PRC1: variants seen among roughly 807,000 people sequenced by gnomAD.
PRC1 encodes the protein anaphase spindle elongation 1 homolog.
A neutral mutation model predicts 91.2 loss-of-function variants in PRC1; 54 were observed. The observed-to-expected ratio is 0.59, with a 90% CI of 0.48 to 0.74. The LOEUF (loss-of-function observed/expected upper bound fraction) is 0.74. Ranked by LOEUF, PRC1 falls within the 30% of genes least tolerant of loss-of-function variation. The pLI, the probability that PRC1 is intolerant of heterozygous loss-of-function variation, is 0.00. For synonymous variants in PRC1, 275 were observed against 263.6 expected, an observed-to-expected ratio of 1.04 and a Z score of -0.42; for missense variants, 727 against 746.2, an observed-to-expected ratio of 0.97 and a Z score of 0.30.
intron 7 of PRC1, 35 bp from the exon 8 acceptor site, chr15:90,979,329 C>T: frequency 6.3e-7 from 1 of 1,584,488 alleles, no homozygotes; most frequent in Non-Finnish European, 8.6e-7. Flanking sequence ...TAAAACAATT[C>T]CTCTAGTATT....
chr15:90,966,431 G>A lies in PRC1; in HGVS notation c.*700C>T. 1 of 367,922 alleles carries A rather than the reference G, an allele frequency of 2.7e-6. No individual in the cohort carries two copies. Among genetic ancestry groups the A allele is most frequent in the Non-Finnish European group, 5.6e-6 (1 of 180,016 alleles). The allele number at this position is 367,922 out of a possible 1,614,324, so 22.8% of individuals were successfully genotyped here. ...GAAGAACTCAGGCAAAGTAGGCACA[G>A]GAATGGGGGAGATGAGAGCCAAGGG... On this transcript the variant is annotated 3_prime_UTR_variant, in exon 15 of 15. Transcript: ENST00000394249.
chr15:90,974,607 T>C lies in PRC1; in HGVS notation c.1328A>G (p.Lys443Arg), dbSNP rs752713552. 7 of 1,614,208 alleles carry C rather than the reference T, an allele frequency of 4.3e-6. No homozygotes were observed. In the South Asian group the frequency reaches 4.4e-5, roughly 10 times the overall value. ...AEQWEMHRLE[K>R]ERAKQERQLK... is the part of the protein sequence containing the mutation. ...TACTCTTTCCTGCTTGGCTCTCTCT[T>C]TCTCCAATCGATGCATCTCCCATTG... Residue 443 changes from lysine to arginine, a missense_variant, in exon 10 of 15, where the codon AAA becomes AGA. Transcript: ENST00000394249. The surrounding 1 kb of genome is among the most constrained non-coding windows in gnomAD (Gnocchi z 4.6).
chr15:90,969,934 T>A lies in PRC1; in HGVS notation c.1573-311A>T, dbSNP rs564009750. 3.3e-4 allele frequency among the ~76,000 whole-genome samples: 50 copies of A among 152,162 alleles called. 2 individuals carry two copies. Among genetic ancestry groups the A allele is most frequent in the South Asian group, 1.0e-3 (5 of 4,828 alleles). On this transcript the variant is annotated intron_variant, in intron 12 of 14. Transcript: ENST00000394249. The stretch of plus-strand genomic sequence containing the variant: ...ACTGTCTCTAGAAAAAAATTTTTTT[T>A]AAATATGAATTCTTGATTTACAGAA...
Position 90,966,224 on chromosome 15 carries a change from T to C in PRC1, c.*907A>G, listed in dbSNP as rs2037476447. ...TGCAGGCAGACAGCGGAAGAATAAATAATAGTGCTTCAAGAAGAGTAGTGA... is the reference window on the plus strand; with the variant it reads ...TGCAGGCAGACAGCGGAAGAATAAACAATAGTGCTTCAAGAAGAGTAGTGA... On this transcript the variant is annotated 3_prime_UTR_variant, in exon 15 of 15. Coordinates refer to ENST00000394249, the MANE Select transcript of PRC1 (RefSeq NM_003981.4). 4.9e-6 allele frequency: 1 copy of C among 204,204 alleles called. No individual in the cohort carries two copies. The highest frequency in any genetic ancestry group is 2.3e-5 in the African/African-American group (1 of 43,086). 12.6% of individuals were successfully genotyped at this position (204,204 alleles called of 1,614,324 possible).
chr15:90,967,208 G>C lies in PRC1; in HGVS notation c.1792-6C>G, dbSNP rs550370133. ...GAAGCCTTTGAAAGTTCTCGCTGTT[G>C]AAAAATAAATAACATCAGTGGCCAT... On this transcript the variant is annotated splice_polypyrimidine_tract_variant and splice_region_variant and intron_variant, in intron 14 of 14. Transcript: ENST00000394249. 6.2e-7 allele frequency: 1 copy of C among 1,612,464 alleles called. No homozygotes were observed. The highest frequency in any genetic ancestry group is 8.5e-7 in the Non-Finnish European group (1 of 1,178,478).
At position 90,979,064 on chromosome 15, in the gene PRC1, T is replaced by A. The variant is rs781579371; in HGVS notation, c.1107+94A>T. ...GAGAGACTTAATGATAAAGATGGGG[T>A]ATCAAAAGCCTGGCAAAGAACAAAG... On this transcript the variant is annotated intron_variant, in intron 8 of 14. Transcript: ENST00000394249. The A allele has an allele frequency of 7.5e-5, 102 of 1,367,386 alleles. 1 individual carries two copies. The highest frequency in any genetic ancestry group is 9.8e-5 in the Non-Finnish European group (99 of 1,010,176). The allele number at this position is 1,367,386 out of a possible 1,614,324, so 84.7% of individuals were successfully genotyped here.
intron 12 of PRC1, 139 bp from the exon 13 acceptor site, chr15:90,969,762 ACATATATATATATAT>A (rs1219928673): frequency 7.8e-4 from 137 of 174,584 alleles, no homozygotes; most frequent in East Asian, 2.5e-3. Flanking sequence ...TAAAAAAAAA[ACATATATATATATAT>A]ATATATATAT....
rs565325389 is a variant in PRC1, at chr15:90,966,341, C to T, written c.*790G>A. 324 of 293,380 alleles carry T rather than the reference C, an allele frequency of 1.1e-3. No homozygotes were observed. Among genetic ancestry groups the T allele is most frequent in the Middle Eastern group, 2.5e-3 (2 of 812 alleles). The allele number at this position is 293,380 out of a possible 1,614,324, so 18.2% of individuals were successfully genotyped here. A position where few individuals can be genotyped will look rare whatever the true frequency, so the allele number is the denominator to read the frequency against. On this transcript the variant is annotated 3_prime_UTR_variant, in exon 15 of 15. Coordinates refer to ENST00000394249, the MANE Select transcript of PRC1 (RefSeq NM_003981.4). ...ACATGTGCAAAGTTCCAGATCTCCACGACAAAGACAGCTCAACCCATTGGA... is the reference window on the plus strand; with the variant it reads ...ACATGTGCAAAGTTCCAGATCTCCATGACAAAGACAGCTCAACCCATTGGA...
At position 90,976,706 on chromosome 15, in the gene PRC1, T is replaced by C; in HGVS notation, c.1173A>G (p.Gln391=). The C allele has an allele frequency of 1.2e-6, 2 of 1,613,668 alleles. No individual in the cohort carries two copies. The highest frequency in any genetic ancestry group is 2.2e-5 in the East Asian group (1 of 44,870). ...RGGNLLKEEK[Q]RAKLQKMLPK... ...GCAGCATTTTCTGGAGCTTGGCTCG[T>C]TGTTTTTCTTCTTTTAGAAGATTTC... is the stretch of plus-strand genomic sequence containing the variant. Residue 391 remains glutamine (Q), a synonymous_variant, in exon 9 of 15, where the codon CAA becomes CAG. Transcript: ENST00000394249.
chr15:90,972,185 CAA>C (rs79751458), intron 11 of PRC1, among the ~76,000 whole-genome samples: 19 of 58,594 alleles, frequency 3.2e-4, no homozygotes, highest in Middle Eastern at 0.03. Flanking sequence ...TACTGAAACT[CAA>C]AAAAAAAAAA....
intron 14 of PRC1, 98 bp from the exon 15 acceptor site, chr15:90,967,300 G>A (rs371177399): frequency 2.0e-6 from 2 of 1,010,104 alleles, no homozygotes; most frequent in South Asian, 1.3e-5. Flanking sequence ...GTCCCTTGAA[G>A]GTAGTTTCTC....
chr15:90,989,627 A>G (rs1035429712), intron 1 of PRC1, among the ~76,000 whole-genome samples: 1 of 151,960 alleles, frequency 6.6e-6, no homozygotes, highest in African/African-American at 2.4e-5. Flanking sequence ...CATTTATACA[A>G]AAACTACACA....
At chr15:90,975,821 CG>C (rs1015089276) in intron 9 of PRC1, among the ~76,000 whole-genome samples, 2 of 151,862 alleles carry the variant, frequency 1.3e-5, no homozygotes, top group African/African-American at 4.8e-5. Flanking sequence ...CCATCTCTTG[CG>C]GGGGGAAAAA....
intron 3 of PRC1, chr15:90,982,828 T>C (rs1224847838): frequency 1.3e-5 from 2 of 152,108 alleles, no homozygotes; most frequent in African/African-American, 4.8e-5. Flanking sequence ...CTAGCTCATA[T>C]CTAAATACTC....
At chr15:90,980,436 C>G (rs1280355222) in intron 6 of PRC1, 47 bp from the exon 7 acceptor site, 1 of 1,582,578 alleles carries the variant, frequency 6.3e-7, no homozygotes, top group Non-Finnish European at 8.6e-7. Flanking sequence ...GTTTTATATT[C>G]ACTCAGGTTT....
At chr15:90,973,703 T>C (rs897144336) in intron 11 of PRC1, among the ~76,000 whole-genome samples, 2 of 152,120 alleles carry the variant, frequency 1.3e-5, no homozygotes, top group South Asian at 4.2e-4. Context: ...TCTGTTACTC[T>C]TTACTACACT....
rs906861475 is a variant in PRC1, at chr15:90,977,576, G to C, written c.1108-805C>G. Among the ~76,000 whole-genome samples the C allele has an allele frequency of 4.2e-5, 4 of 95,478 alleles. 1 individual carries two copies. Among genetic ancestry groups the C allele is most frequent in the Admixed American group, 1.3e-4 (1 of 7,416 alleles). The allele number at this position is 95,478 out of a possible 152,430, so 62.6% of individuals were successfully genotyped here. Reference sequence around the variant, plus strand: ...GTTGCTGCCTTAGCTCCTTATTTACGTTTTTTTTTTTTTTTTTTTTTTTCT... The same window carrying C: ...GTTGCTGCCTTAGCTCCTTATTTACCTTTTTTTTTTTTTTTTTTTTTTTCT... On this transcript the variant is annotated intron_variant, in intron 8 of 14. Coordinates refer to ENST00000394249, the MANE Select transcript of PRC1 (RefSeq NM_003981.4).
At chr15:90,983,368 T>C (rs2039354270) in intron 3 of PRC1, among the ~76,000 whole-genome samples, 4 of 152,200 alleles carry the variant, frequency 2.6e-5, no homozygotes, top group Admixed American at 2.0e-4. Context: ...GGCACTATTT[T>C]TACTGGTTCT....
In PRC1 at chr15:90,974,054, G is replaced by T; in HGVS notation, c.1461+82C>A. ...TGAGAAATACCCACAGGTGTGGAGG[G>T]GCTGGCCCCCTTCAAAGAGGTGGCT... is the stretch of plus-strand genomic sequence containing the variant. On this transcript the variant is annotated intron_variant, in intron 11 of 14. Coordinates refer to ENST00000394249, the MANE Select transcript of PRC1 (RefSeq NM_003981.4). This position sits in a 1 kb window ranked among gnomAD's most constrained non-coding sequence, Gnocchi z 4.6. 1.8e-6 allele frequency: 2 copies of T among 1,137,924 alleles called. No individual in the cohort carries two copies. Among genetic ancestry groups the T allele is most frequent in the East Asian group, 2.3e-5 (1 of 42,606 alleles). The allele number at this position is 1,137,924 out of a possible 1,614,324, so 70.5% of individuals were successfully genotyped here.
Sources: gnomAD v4.1 joint callset for allele counts (sites outside exome capture counted in the v4.1 genomes callset) on GRCh38, gnomAD v4.1.1 for gene constraint, Gnocchi (gnomAD v3.1) non-coding constraint, MANE v1.5 for transcripts, NCBI Gene and HGNC (gene_info 2026-07-23, HGNC 2026-07-21) for gene names.